Variants in SGCZ observed in about 807,000 individuals in gnomAD.
SGCZ encodes sarcoglycan zeta.
Under a neutral mutation model 41.3 loss-of-function variants are expected in SGCZ, and 40 were observed. That is an observed-to-expected ratio of 0.97 (90% CI 0.75 to 1.26). The LOEUF is 1.26. SGCZ is among the 50% of genes most tolerant of loss of function. SGCZ has a pLI of 0.00. For synonymous variants in SGCZ, 206 were observed against 137.5 expected, an observed-to-expected ratio of 1.50 and a Z score of -3.49; for missense variants, 552 against 369.8, an observed-to-expected ratio of 1.49 and a Z score of -4.04.
intron 1 of SGCZ, among the ~76,000 whole-genome samples, chr8:14,746,171 A>G (rs1799335861): frequency 6.6e-6 from 1 of 152,090 alleles, no homozygotes; most frequent in African/African-American, 2.4e-5. Context: ...TATTAAATAT[A>G]ACAAGGCATT....
Position 14,957,869 on chromosome 8 carries a change from G to A in SGCZ, c.39+279716C>T, listed in dbSNP as rs538671665. Among the ~76,000 whole-genome samples the A allele has an allele frequency of 2.8e-4, 42 of 151,930 alleles. 1 individual carries two copies. The highest frequency in any genetic ancestry group is 1.5e-4 in the Non-Finnish European group (10 of 67,902). On this transcript the variant is annotated intron_variant, in intron 1 of 7. Transcript: ENST00000382080. ...ATGCTGAAAATATAAAATGACTTACGTAAGTAAATGTTCATTCATTTACTA... is the reference window on the plus strand; with the variant it reads ...ATGCTGAAAATATAAAATGACTTACATAAGTAAATGTTCATTCATTTACTA...
chr8:14,834,389 T>C (rs1411012127), intron 1 of SGCZ, among the ~76,000 whole-genome samples: 1 of 152,176 alleles, frequency 6.6e-6, no homozygotes. Context: ...CACTACAGTA[T>C]TACCAAATCA....
chr8:14,529,699 T>C (rs895443121), intron 2 of SGCZ, among the ~76,000 whole-genome samples: 36 of 152,118 alleles, frequency 2.4e-4, no homozygotes, highest in Non-Finnish European at 4.7e-4. Flanking sequence ...AGGTTAAGTA[T>C]GTCTCTCAGG....
Position 14,412,110 on chromosome 8 carries a change from A to C in SGCZ, c.235-87906T>G, listed in dbSNP as rs1451637574. Among the ~76,000 whole-genome samples the C allele has an allele frequency of 2.6e-5, 4 of 152,114 alleles. No homozygotes were observed. The East Asian group carries it at 7.7e-4, about 29-fold the overall frequency. ...AGATTGATTTGCAGAAAAGAACAGT[A>C]TGTGTCATATGGTATTACAAAATTC... On this transcript the variant is annotated intron_variant, in intron 2 of 7. Transcript: ENST00000382080.
intron 1 of SGCZ, among the ~76,000 whole-genome samples, chr8:14,802,373 G>T (rs1017529485): frequency 2.0e-5 from 3 of 152,182 alleles, no homozygotes; most frequent in Non-Finnish European, 1.5e-5. Context: ...GAAAACAGCT[G>T]CCTGGATAAT....
intron 2 of SGCZ, among the ~76,000 whole-genome samples, chr8:14,499,485 G>A (rs1020157146): frequency 1.3e-5 from 2 of 151,792 alleles, no homozygotes; most frequent in East Asian, 3.9e-4. Context: ...AAACTTAACT[G>A]TTGCAATATA....
At chr8:14,822,681 C>G (rs1563294005) in intron 1 of SGCZ, among the ~76,000 whole-genome samples, 2 of 152,044 alleles carry the variant, frequency 1.3e-5, no homozygotes, top group Non-Finnish European at 2.9e-5. Flanking sequence ...TACCCACTTA[C>G]AGCCAATTGA....
intron 2 of SGCZ, among the ~76,000 whole-genome samples, chr8:14,421,692 C>G (rs1005345792): frequency 2.6e-5 from 4 of 152,046 alleles, no homozygotes; most frequent in Non-Finnish European, 5.9e-5. Context: ...AAGCACAAGC[C>G]CTATCTTGTG....
At chr8:14,561,384 CA>C (rs2117207289) in intron 1 of SGCZ, among the ~76,000 whole-genome samples, 2 of 152,232 alleles carry the variant, frequency 1.3e-5, no homozygotes, top group South Asian at 4.2e-4. Flanking sequence ...AAGTGGATTT[CA>C]GAGAGTTGAT....
intron 2 of SGCZ, among the ~76,000 whole-genome samples, chr8:14,527,196 T>A (rs891025531): frequency 6.6e-6 from 1 of 152,180 alleles, no homozygotes; most frequent in Admixed American, 6.6e-5. Flanking sequence ...AGTATTAATA[T>A]GTTTAATATG....
At chr8:14,682,014 G>C (rs1052312638) in intron 1 of SGCZ, among the ~76,000 whole-genome samples, 4 of 152,084 alleles carry the variant, frequency 2.6e-5, no homozygotes, top group Non-Finnish European at 5.9e-5. Flanking sequence ...TTGAAGCACA[G>C]AGAAAAATAA....
intron 2 of SGCZ, among the ~76,000 whole-genome samples, chr8:14,528,516 G>A (rs1464647142): frequency 2.0e-5 from 3 of 152,016 alleles, no homozygotes; most frequent in African/African-American, 7.2e-5. Flanking sequence ...GTTACACCTA[G>A]CTTTGTGACA....
chr8:15,208,114 T>A (rs761847567), intron 1 of SGCZ, among the ~76,000 whole-genome samples: 1 of 152,188 alleles, frequency 6.6e-6, no homozygotes, highest in Non-Finnish European at 1.5e-5. Context: ...ATAAAACACA[T>A]TGGAAAACAG....
intron 3 of SGCZ, chr8:14,309,398 G>A (rs1801453754): frequency 6.2e-7 from 1 of 1,605,870 alleles, no homozygotes; most frequent in Non-Finnish European, 8.5e-7. Context: ...AAGTGACCTC[G>A]ATCGCTTTTG....
At chr8:14,854,055 A>ATATG (rs1252406372) in intron 1 of SGCZ, among the ~76,000 whole-genome samples, 2 of 129,914 alleles carry the variant, frequency 1.5e-5, no homozygotes, top group Non-Finnish European at 3.3e-5. Flanking sequence ...ATATATATAT[A>ATATG]TCCTTTTGTA....
intron 1 of SGCZ, among the ~76,000 whole-genome samples, chr8:14,847,684 AGGGAGGAGGGGAG>A (rs1803179966): frequency 2.1e-5 from 2 of 97,168 alleles, no homozygotes; most frequent in Non-Finnish European, 3.9e-5. Context: ...AGATGGAGGG[AGGGAGGAGGGGAG>A]GAGAGGAGGG....
chr8:14,967,155 A>G (rs1328351412), intron 1 of SGCZ, among the ~76,000 whole-genome samples: 1 of 152,216 alleles, frequency 6.6e-6, no homozygotes, highest in Non-Finnish European at 1.5e-5. Flanking sequence ...GTCATACAGT[A>G]GCATACCTAA....
intron 3 of SGCZ, among the ~76,000 whole-genome samples, chr8:14,305,400 A>G (rs1486666056): frequency 6.6e-6 from 1 of 152,208 alleles, no homozygotes; most frequent in East Asian, 1.9e-4. Flanking sequence ...CTAAACCAAG[A>G]CTTTTCAAAA....
At chr8:14,512,761 G>A (rs555031368) in intron 2 of SGCZ, among the ~76,000 whole-genome samples, 2 of 151,924 alleles carry the variant, frequency 1.3e-5, no homozygotes, top group Non-Finnish European at 2.9e-5. Context: ...CACCACACCC[G>A]GCTAGATGCT....
Sources: gnomAD v4.1 joint callset for allele counts (sites outside exome capture counted in the v4.1 genomes callset) on GRCh38, gnomAD v4.1.1 for gene constraint, MANE v1.5 for transcripts, NCBI Gene and HGNC (gene_info 2026-07-23, HGNC 2026-07-21) for gene names.